The following MRO variants were observed in gnomAD, a reference collection of about 807,000 sequenced individuals.
The protein encoded by MRO is maestro.
A neutral mutation model predicts 31.0 loss-of-function variants in MRO; 28 were observed. The observed-to-expected ratio is 0.90, with a 90% confidence interval of 0.67 to 1.24. The LOEUF (loss-of-function observed/expected upper bound fraction) is 1.24. MRO is among the 50% of genes most tolerant of loss of function. The pLI is 0.00. For synonymous variants in MRO, 108 were observed against 108.4 expected (o/e 1.00, Z 0.02); for missense variants, 332 against 289.2 (o/e 1.15, Z -1.07).
At chr18:50,818,897 A>C (rs974623026) in intron 2 of MRO, among the ~76,000 whole-genome samples, 3 of 152,104 alleles carry the variant, frequency 2.0e-5, no homozygotes, top group African/African-American at 7.2e-5. Flanking sequence ...TACTAAAAAT[A>C]CAAAAATTAG....
At chr18:50,814,808 T>C in intron 2 of MRO, 2 of 152,932 alleles carry the variant, frequency 1.3e-5, no homozygotes, top group Non-Finnish European at 2.9e-5. Flanking sequence ...GCGTGTAATT[T>C]CAGCACTTTG....
intron 5 of MRO, among the ~76,000 whole-genome samples, chr18:50,802,112 A>ATTTTTC (rs1198939515): frequency 6.6e-6 from 1 of 152,150 alleles, no homozygotes; most frequent in East Asian, 1.9e-4. Context: ...AAGAGTTTTC[A>ATTTTTC]TTTTTCTTTT....
chr18:50,809,094 C>T (rs1338032745), intron 3 of MRO, among the ~76,000 whole-genome samples: 5 of 143,468 alleles, frequency 3.5e-5, no homozygotes, highest in African/African-American at 1.0e-4. Flanking sequence ...GCCCAGATTG[C>T]GCCACTGCAG....
At chr18:50,808,004 T>C (rs1168968461) in intron 3 of MRO, among the ~76,000 whole-genome samples, 2 of 152,206 alleles carry the variant, frequency 1.3e-5, no homozygotes, top group Admixed American at 6.5e-5. Context: ...GGAGAATTGC[T>C]TGAATCTGGG....
intron 5 of MRO, among the ~76,000 whole-genome samples, chr18:50,802,235 C>G (rs1913406221): frequency 6.6e-6 from 1 of 152,074 alleles, no homozygotes; most frequent in African/African-American, 2.4e-5. Context: ...GTTTGAGTTT[C>G]TCCTATCTGC....
At chr18:50,802,089 C>T (rs1471044698) in intron 5 of MRO, among the ~76,000 whole-genome samples, 1 of 152,202 alleles carries the variant, frequency 6.6e-6, no homozygotes, top group Non-Finnish European at 1.5e-5. Context: ...GCTCTTTCTA[C>T]ATCAATACAT....
intron 2 of MRO, among the ~76,000 whole-genome samples, chr18:50,811,475 C>G (rs1325924288): frequency 6.6e-6 from 1 of 152,062 alleles, no homozygotes; most frequent in African/African-American, 2.4e-5. Flanking sequence ...TTATAACTGG[C>G]TTCTTTTTCT....
intron 4 of MRO, among the ~76,000 whole-genome samples, 176 bp from the exon 5 acceptor site, chr18:50,805,512 A>T (rs1055150807): frequency 2.6e-5 from 4 of 152,104 alleles, no homozygotes; most frequent in African/African-American, 9.7e-5. Flanking sequence ...CCAACCCAAG[A>T]GCCCAACTCA....
At position 50,801,370 on chromosome 18, in the gene MRO, G is replaced by A. The variant is rs1913294941; in HGVS notation, c.564C>T (p.Asp188=). The A allele has an allele frequency of 6.3e-7, 1 of 1,594,354 alleles. No individual in the cohort carries two copies. Among genetic ancestry groups the A allele is most frequent in the Non-Finnish European group, 8.6e-7 (1 of 1,168,272 alleles). ...TRDSLLIHLQ[D]RNPQVAKACK... is the part of the protein sequence containing the mutation. Reference sequence around the variant, plus strand: ...TTACCTTGGCAACCTGGGGATTTCTGTCCTGTAAATGGATCAGGAGGGAAT... The same window carrying A: ...TTACCTTGGCAACCTGGGGATTTCTATCCTGTAAATGGATCAGGAGGGAAT... Residue 188 remains aspartate, a synonymous_variant, in exon 6 of 8, where the codon GAC becomes GAT. Coordinates refer to ENST00000398439, the MANE Select transcript of MRO (RefSeq NM_031939.6).
rs145860964 is a variant in MRO at position 50,811,285 on chromosome 18, C to G, written c.-4-1881G>C. On this transcript the variant is annotated intron_variant, in intron 2 of 7. Coordinates refer to ENST00000398439, the MANE Select transcript of MRO (RefSeq NM_031939.6). ...TAGTCATTCAAACAATGTTCTGCAACCACCACCTCTAATATCAAAACTTTT... is the reference window on the plus strand; with the variant it reads ...TAGTCATTCAAACAATGTTCTGCAAGCACCACCTCTAATATCAAAACTTTT... Among the ~76,000 whole-genome samples the G allele has an allele frequency of 1.9e-3, 296 of 152,300 alleles. 2 individuals are homozygous for G. The highest frequency in any genetic ancestry group is 6.6e-3 in the African/African-American group (273 of 41,552).
At chr18:50,809,245 C>A (rs948780688) in intron 3 of MRO, 57 bp downstream of exon 3, 2 of 1,295,562 alleles carry the variant, frequency 1.5e-6, no homozygotes, top group Middle Eastern at 1.9e-4. Context: ...AGCAAACATA[C>A]ATCTTACAAA....
At position 50,809,142 on chromosome 18, in the gene MRO, CTCAAAAAAAAAAAA is replaced by C. The variant is rs1568131450; in HGVS notation, c.99+146_99+159del. Among the ~76,000 whole-genome samples, 4 of 66,444 alleles carry C rather than the reference CTCAAAAAAAAAAAA, an allele frequency of 6.0e-5. 1 individual carries two copies. Among genetic ancestry groups the C allele is most frequent in the Non-Finnish European group, 1.2e-4 (4 of 32,214 alleles). The allele number at this position is 66,444 out of a possible 152,430, so 43.6% of individuals were successfully genotyped here. A position where few individuals can be genotyped will look rare whatever the true frequency, so the allele number is the denominator to read the frequency against. ...CCTGGGCGACAGAGCGAGACTCCGT[CTCAAAAAAAAAAAA>C]AAAAAAAAAAAAAAAAACTGTCATC... On this transcript the variant is annotated intron_variant, in intron 3 of 7. Coordinates refer to ENST00000398439, the MANE Select transcript of MRO (RefSeq NM_031939.6).
Position 50,809,141 on chromosome 18 carries a change from T to C in MRO, c.99+161A>G, listed in dbSNP as rs1483223537. 4.4e-5 allele frequency among the ~76,000 whole-genome samples: 3 copies of C among 67,478 alleles called. 1 individual carries two copies. The highest frequency in any genetic ancestry group is 9.8e-5 in the Non-Finnish European group (3 of 30,738). 44.3% of individuals were successfully genotyped at this position (67,478 alleles called of 152,430 possible). A position where few individuals can be genotyped will look rare whatever the true frequency, so the allele number is the denominator to read the frequency against. On this transcript the variant is annotated intron_variant, in intron 3 of 7. Transcript: ENST00000398439. Reference sequence around the variant, plus strand: ...GCCTGGGCGACAGAGCGAGACTCCGTCTCAAAAAAAAAAAAAAAAAAAAAA... The same window carrying C: ...GCCTGGGCGACAGAGCGAGACTCCGCCTCAAAAAAAAAAAAAAAAAAAAAA...
At position 50,797,270 on chromosome 18, in the gene MRO, T is replaced by C. The variant is rs1912869409; in HGVS notation, c.*2067A>G. Reference sequence around the variant, plus strand: ...TTGGGTGTCTCCGTTCTCCTTCACATGGTGATCTCAGGCACTCTCATTTGT... The same window carrying C: ...TTGGGTGTCTCCGTTCTCCTTCACACGGTGATCTCAGGCACTCTCATTTGT... On this transcript the variant is annotated 3_prime_UTR_variant, in exon 8 of 8. Transcript: ENST00000398439. The C allele has an allele frequency of 6.6e-6, 1 of 152,242 alleles. No individual in the cohort carries two copies. Among genetic ancestry groups the C allele is most frequent in the Non-Finnish European group, 1.5e-5 (1 of 68,064 alleles). 9.4% of individuals were successfully genotyped at this position (152,242 alleles called of 1,614,324 possible). A position where few individuals can be genotyped will look rare whatever the true frequency, so the allele number is the denominator to read the frequency against.
chr18:50,809,636 C>T (rs1914296745), intron 2 of MRO, among the ~76,000 whole-genome samples: 1 of 152,152 alleles, frequency 6.6e-6, no homozygotes, highest in Non-Finnish European at 1.5e-5. Context: ...CCCTCTAGTT[C>T]CCCACTCCAT....
chr18:50,800,031 C>T lies in MRO; in HGVS notation c.693+5G>A. 1 of 1,606,438 alleles carries T rather than the reference C, an allele frequency of 6.2e-7. No individual in the cohort carries two copies. Among genetic ancestry groups the T allele is most frequent in the Non-Finnish European group, 8.5e-7 (1 of 1,173,344 alleles). On this transcript the variant is annotated splice_donor_5th_base_variant and intron_variant, in intron 7 of 7. Transcript: ENST00000398439. ...AAGAATTCTCTCCTACCCTGGCTCA[C>T]TCACCAGCTGCTGGTAGAGCTTAGT...
rs1174002791 is a variant in MRO, at chr18:50,798,518, C to T, written c.*819G>A. 2.6e-5 allele frequency: 4 copies of T among 152,146 alleles called. No individual in the cohort carries two copies. The highest frequency in any genetic ancestry group is 5.9e-5 in the Non-Finnish European group (4 of 68,030). The allele number at this position is 152,146 out of a possible 1,614,324, so 9.4% of individuals were successfully genotyped here. A position where few individuals can be genotyped will look rare whatever the true frequency, so the allele number is the denominator to read the frequency against. On this transcript the variant is annotated 3_prime_UTR_variant, in exon 8 of 8. Coordinates refer to ENST00000398439, the MANE Select transcript of MRO (RefSeq NM_031939.6). ...CCAGCTCCACTGTTTACTGAGTTAT[C>T]TGGGGAAAGTTACCTAATTTCCCTA...
chr18:50,820,039 A>T (rs908559722), upstream of MRO: 1 of 1,321,368 alleles, frequency 7.6e-7, no homozygotes, highest in African/African-American at 1.5e-5. Context: ...TCTGCACCAA[A>T]CAAAACCTCC....
At chr18:50,801,237 A>G in intron 6 of MRO, 112 bp downstream of exon 6, 1 of 872,108 alleles carries the variant, frequency 1.1e-6, no homozygotes, top group Non-Finnish European at 1.7e-6. Flanking sequence ...AACGCTGCTA[A>G]GTATCTACAG....
Sources: gnomAD v4.1 joint callset for allele counts (sites outside exome capture counted in the v4.1 genomes callset) on GRCh38, gnomAD v4.1.1 for gene constraint, MANE v1.5 for transcripts, NCBI Gene and HGNC (gene_info 2026-07-23, HGNC 2026-07-21) for gene names.